DYNC2H1: variants seen among roughly 807,000 people sequenced by gnomAD.
DYNC2H1 encodes the protein cytoplasmic dynein 2 heavy chain 1.
DYNC2H1 carries 410 observed loss-of-function variants against 570.0 expected under a neutral mutation model. The observed-to-expected ratio is 0.72, with a 90% confidence interval of 0.66 to 0.78. The LOEUF (loss-of-function observed/expected upper bound fraction) is 0.78, where lower values mean the gene tolerates loss of function less well. Among genes scored for constraint, DYNC2H1 ranks in the 30% least tolerant of loss-of-function variants. DYNC2H1 has a pLI of 0.00. For missense variants in DYNC2H1, 4,865 were observed against 5,046.4 expected (o/e 0.96, Z 1.09); for synonymous variants, 1,688 against 1,677.6 (o/e 1.01, Z -0.15).
intron 59 of DYNC2H1, among the ~76,000 whole-genome samples, chr11:103,229,959 G>A (rs1863943282): frequency 6.6e-6 from 1 of 152,148 alleles, no homozygotes; most frequent in Non-Finnish European, 1.5e-5. Context: ...TAGACCAGCA[G>A]CATCAGCATC....
chr11:103,465,865 C>T lies in DYNC2H1; in HGVS notation c.12649-2724C>T, dbSNP rs1159954444. Among the ~76,000 whole-genome samples the T allele has an allele frequency of 4.6e-5, 7 of 152,126 alleles. No individual in the cohort carries two copies. Among genetic ancestry groups the T allele is most frequent in the African/African-American group, 1.7e-4 (7 of 41,434 alleles). ...CTTCAGAAGTTGCTTAAAGTCCTAC[C>T]ACATTCTATTGGTCAAAGCAATTTA... On this transcript the variant is annotated intron_variant, in intron 87 of 88. Coordinates refer to ENST00000375735, the MANE Select transcript of DYNC2H1 (RefSeq NM_001377.3). This position sits in a 1 kb window ranked among gnomAD's most constrained non-coding sequence, Gnocchi z 4.9.
intron 71 of DYNC2H1, 104 bp from the exon 72 acceptor site, chr11:103,282,075 G>C: frequency 2.2e-6 from 2 of 913,230 alleles, no homozygotes; most frequent in Non-Finnish European, 3.4e-6. Context: ...ATGAGTATCT[G>C]CTTAGAAAAA....
intron 12 of DYNC2H1, among the ~76,000 whole-genome samples, chr11:103,127,873 T>C (rs1266274237): frequency 6.6e-6 from 1 of 152,180 alleles, no homozygotes; most frequent in Non-Finnish European, 1.5e-5. Context: ...TATAATGCAG[T>C]GTTAGGCAGT....
At chr11:103,255,161 GAT>G (rs1194972384) in intron 66 of DYNC2H1, among the ~76,000 whole-genome samples, 2 of 152,110 alleles carry the variant, frequency 1.3e-5, no homozygotes, top group Non-Finnish European at 2.9e-5. Context: ...ATTACACATT[GAT>G]ATGTTAAGTA....
At chr11:103,391,675 G>C (rs1942157384) in intron 83 of DYNC2H1, among the ~76,000 whole-genome samples, 1 of 152,132 alleles carries the variant, frequency 6.6e-6, no homozygotes, top group Admixed American at 6.5e-5. Flanking sequence ...ATGGGGTTTT[G>C]GTGTGGATGT....
Position 103,153,492 on chromosome 11 carries a change from A to G in DYNC2H1, c.3286A>G (p.Thr1096Ala), listed in dbSNP as rs55782211. The G allele has an allele frequency of 1.2e-5, 18 of 1,557,754 alleles. No individual in the cohort carries two copies. The highest frequency in any genetic ancestry group is 1.6e-5 in the Non-Finnish European group (18 of 1,155,116). Reference sequence around the variant, plus strand: ...AATTGAGTTTGATGATCTTGAAGTCACAAGAAAAAAGCTGGTGTATGTTTT... The same window carrying G: ...AATTGAGTTTGATGATCTTGAAGTCGCAAGAAAAAAGCTGGTGTATGTTTT... The part of the protein sequence containing the change: ...KKIEFDDLEV[T>A]RKKLVDDCHH... Residue 1096 changes from threonine to alanine, a missense_variant, in exon 22 of 89, where the codon ACA becomes GCA. By Grantham distance (58) the Thr-to-Ala change is moderately conservative. Transcript: ENST00000375735.
intron 31 of DYNC2H1, among the ~76,000 whole-genome samples, chr11:103,166,922 A>G (rs1286437440): frequency 7.2e-6 from 1 of 138,992 alleles, no homozygotes; most frequent in Non-Finnish European, 1.5e-5. Flanking sequence ...TCTTTCTCCT[A>G]TATTCTGAGT....
intron 87 of DYNC2H1, chr11:103,468,328 C>A (rs1449109391): frequency 2.1e-5 from 5 of 237,686 alleles, no homozygotes; most frequent in East Asian, 8.7e-5. Context: ...GTCAAGACAC[C>A]CGCAGTTGTA....
At chr11:103,411,104 ATAAT>A (rs1943067510) in intron 84 of DYNC2H1, among the ~76,000 whole-genome samples, 1 of 152,142 alleles carries the variant, frequency 6.6e-6, no homozygotes, top group African/African-American at 2.4e-5. Flanking sequence ...CTTCCTTTAA[ATAAT>A]TAAGCTACAT....
At chr11:103,113,226 CTCTGGCTGGAATGGAA>C (rs1016701144) in intron 1 of DYNC2H1, among the ~76,000 whole-genome samples, 2 of 151,996 alleles carry the variant, frequency 1.3e-5, no homozygotes, top group African/African-American at 4.8e-5. Flanking sequence ...CTAGAATGGA[CTCTGGCTGGAATGGAA>C]TCTGGCTGGA....
At chr11:103,137,703 A>G (rs931318085) in intron 17 of DYNC2H1, among the ~76,000 whole-genome samples, 6 of 152,028 alleles carry the variant, frequency 3.9e-5, no homozygotes, top group Admixed American at 1.3e-4. Flanking sequence ...TTGACTTGGC[A>G]ATGTGGGCTC....
chr11:103,239,533 T>C lies in DYNC2H1; in HGVS notation c.9819+2994T>C, dbSNP rs1864345412. 2.0e-5 allele frequency among the ~76,000 whole-genome samples: 3 copies of C among 152,132 alleles called. No individual in the cohort carries two copies. Among genetic ancestry groups the C allele is most frequent in the Non-Finnish European group, 2.9e-5 (2 of 67,980 alleles). On this transcript the variant is annotated intron_variant, in intron 63 of 88. Transcript: ENST00000375735. The surrounding 1 kb of genome is among the most constrained non-coding windows in gnomAD (Gnocchi z 4.3). ...TTATCCCTTTTATAGATAAGGACAT[T>C]GAGGCACAGAAGAGTTAATTCACTT...
chr11:103,431,350 C>A (rs951595418), intron 84 of DYNC2H1, among the ~76,000 whole-genome samples: 5 of 151,634 alleles, frequency 3.3e-5, no homozygotes, highest in Admixed American at 3.3e-4. Flanking sequence ...ATGTATAAAT[C>A]ATTATAGAAA....
intron 83 of DYNC2H1, among the ~76,000 whole-genome samples, chr11:103,383,064 C>G (rs1475348901): frequency 6.6e-6 from 1 of 152,146 alleles, no homozygotes; most frequent in African/African-American, 2.4e-5. Context: ...ACTTAGACCT[C>G]TGAGGAAGGA....
chr11:103,375,866 T>C (rs1242387806), intron 83 of DYNC2H1, among the ~76,000 whole-genome samples: 1 of 152,166 alleles, frequency 6.6e-6, no homozygotes, highest in Non-Finnish European at 1.5e-5. Context: ...GGGGGACTGT[T>C]GAGAAGGCAT....
intron 69 of DYNC2H1, 72 bp from the exon 70 acceptor site, chr11:103,259,816 G>A (rs1460262948): frequency 9.7e-7 from 1 of 1,034,090 alleles, no homozygotes; most frequent in Non-Finnish European, 1.4e-6. Flanking sequence ...TTTGAATCTG[G>A]AGGAACAATT....
Position 103,465,322 on chromosome 11 carries a change from C to A in DYNC2H1, c.12649-3267C>A, listed in dbSNP as rs987811884. Reference sequence around the variant, plus strand: ...AGATAATTTGAGAAGTGGAAAAATACAAGAAAGAAGAACTTAATGGTGAAA... The same window carrying A: ...AGATAATTTGAGAAGTGGAAAAATAAAAGAAAGAAGAACTTAATGGTGAAA... On this transcript the variant is annotated intron_variant, in intron 87 of 88. Transcript: ENST00000375735. This position sits in a 1 kb window ranked among gnomAD's most constrained non-coding sequence, Gnocchi z 4.9. 1.3e-5 allele frequency among the ~76,000 whole-genome samples: 2 copies of A among 151,990 alleles called. No homozygotes were observed. Among genetic ancestry groups the A allele is most frequent in the African/African-American group, 4.8e-5 (2 of 41,380 alleles).
In DYNC2H1 at chr11:103,187,562, T is replaced by C; in HGVS notation, c.7116T>C (p.Ser2372=). The C allele has an allele frequency of 6.2e-7, 1 of 1,613,070 alleles. No homozygotes were observed. Among genetic ancestry groups the C allele is most frequent in the Non-Finnish European group, 8.5e-7 (1 of 1,179,342 alleles). Residue 2372 remains serine (S), a synonymous_variant, in exon 43 of 89, where the codon AGT becomes AGC. Transcript: ENST00000375735. ...NLPKLDKWGT[S]TLVAFLQQVL... ...CTAAACTTGATAAATGGGGGACCAG[T>C]ACTTTGGTAGCATTCCTACAACAGG... is the stretch of plus-strand genomic sequence containing the variant.
At chr11:103,146,295 T>G (rs1860236588) in intron 18 of DYNC2H1, among the ~76,000 whole-genome samples, 1 of 152,234 alleles carries the variant, frequency 6.6e-6, no homozygotes, top group Non-Finnish European at 1.5e-5. Flanking sequence ...ATAACCTTTT[T>G]GACCAAAGTT....
Sources: gnomAD v4.1 joint callset for allele counts (sites outside exome capture counted in the v4.1 genomes callset) on GRCh38, gnomAD v4.1.1 for gene constraint, Gnocchi (gnomAD v3.1) non-coding constraint, MANE v1.5 for transcripts, NCBI Gene and HGNC (gene_info 2026-07-23, HGNC 2026-07-21) for gene names.